The following CRYZ variants were observed in gnomAD, a reference collection of about 807,000 sequenced individuals.
The protein encoded by CRYZ is crystallin zeta.
Under a neutral mutation model 34.1 loss-of-function variants are expected in CRYZ, and 35 were observed. The observed-to-expected ratio is 1.03, with a 90% CI of 0.78 to 1.36. CRYZ has a LOEUF of 1.36. CRYZ is among the 40% of genes most tolerant of loss of function. CRYZ has a pLI of 0.00. For synonymous variants in CRYZ, 137 were observed against 136.5 expected, an observed-to-expected ratio of 1.00 and a Z score of -0.03; for missense variants, 403 against 391.8, an observed-to-expected ratio of 1.03 and a Z score of -0.24.
intron 4 of CRYZ, among the ~76,000 whole-genome samples, chr1:74,717,257 CAT>C (rs1647090375): frequency 6.6e-6 from 1 of 151,986 alleles, no homozygotes; most frequent in Non-Finnish European, 1.5e-5. Context: ...CTTTTTTCCA[CAT>C]ACTCTCCTCA....
chr1:74,729,907 G>C (rs553728316), intron 1 of CRYZ, among the ~76,000 whole-genome samples: 27 of 152,174 alleles, frequency 1.8e-4, no homozygotes, highest in Non-Finnish European at 3.7e-4. Flanking sequence ...AGAACACAAA[G>C]AGCAAGAAGA....
chr1:74,706,301 A>G lies in CRYZ; in HGVS notation c.985T>C (p.Leu329=), dbSNP rs746985771. The G allele has an allele frequency of 3.5e-5, 56 of 1,603,010 alleles. No homozygotes were observed. The South Asian group carries it at 6.2e-4, about 18-fold the overall frequency. The part of the protein sequence containing the change: ...SGATGKMILL[L] Reference sequence around the variant, plus strand: ...ATCCATGAAAGAATTAATCATCATAAGAGAAGAATCATTTTTCCAGTAGCC... The same window carrying G: ...ATCCATGAAAGAATTAATCATCATAGGAGAAGAATCATTTTTCCAGTAGCC... The change falls in exon 9 of 9, where the codon TTA becomes CTA. Residue 329 remains leucine (L), a synonymous_variant. Transcript: ENST00000340866.
chr1:74,721,897 G>C (rs918270720), intron 3 of CRYZ, among the ~76,000 whole-genome samples: 1 of 152,170 alleles, frequency 6.6e-6, no homozygotes, highest in African/African-American at 2.4e-5. Flanking sequence ...GGACACGGGA[G>C]GCTATTAAGC....
At chr1:74,724,105 A>C (rs780285855) in intron 2 of CRYZ, among the ~76,000 whole-genome samples, 2 of 152,322 alleles carry the variant, frequency 1.3e-5, no homozygotes, top group South Asian at 4.1e-4. Flanking sequence ...ATTGGACAAA[A>C]GCTGATGTTG....
chr1:74,728,422 T>A (rs1647501353), intron 1 of CRYZ, among the ~76,000 whole-genome samples: 1 of 152,254 alleles, frequency 6.6e-6, no homozygotes, highest in Non-Finnish European at 1.5e-5. Context: ...AGGTTTTGAC[T>A]ATATCCCCAT....
intron 1 of CRYZ, among the ~76,000 whole-genome samples, chr1:74,725,682 T>C (rs1285338377): frequency 1.3e-5 from 2 of 152,120 alleles, no homozygotes; most frequent in Non-Finnish European, 2.9e-5. Context: ...CCCAAAATCT[T>C]AACTCATTTC....
chr1:74,728,538 G>A (rs1224720673), intron 1 of CRYZ, among the ~76,000 whole-genome samples: 1 of 152,112 alleles, frequency 6.6e-6, no homozygotes, highest in Non-Finnish European at 1.5e-5. Context: ...ACATTAAGAA[G>A]AGCTGCAGAA....
chr1:74,714,734 T>C, intron 4 of CRYZ, 104 bp from the exon 5 acceptor site: 1 of 1,109,694 alleles, frequency 9.0e-7, no homozygotes, highest in Non-Finnish European at 1.3e-6. Flanking sequence ...TGGCTAACAC[T>C]TACACAAACA....
chr1:74,730,856 T>C (rs1045971154), intron 1 of CRYZ, among the ~76,000 whole-genome samples: 1 of 152,204 alleles, frequency 6.6e-6, no homozygotes, highest in South Asian at 2.1e-4. Flanking sequence ...CAAACTAACC[T>C]GCAGGTAGAA....
chr1:74,707,085 A>T lies in CRYZ; in HGVS notation c.732+18T>A. Reference sequence around the variant, plus strand: ...ACATTAAAGTGGTAAAAAAAAAAAAAAGAAAAGGAATACTTACTATCACTC... The same window carrying T: ...ACATTAAAGTGGTAAAAAAAAAAAATAGAAAAGGAATACTTACTATCACTC... On this transcript the variant is annotated intron_variant, in intron 7 of 8. Transcript: ENST00000340866. 7.3e-7 allele frequency: 1 copy of T among 1,375,384 alleles called. No homozygotes were observed. The highest frequency in any genetic ancestry group is 1.2e-5 in the South Asian group (1 of 81,284). The allele number at this position is 1,375,384 out of a possible 1,614,324, so 85.2% of individuals were successfully genotyped here.
intron 5 of CRYZ, among the ~76,000 whole-genome samples, chr1:74,711,819 C>A (rs527237920): frequency 3.9e-5 from 6 of 152,050 alleles, no homozygotes; most frequent in Non-Finnish European, 7.4e-5. Flanking sequence ...TACTTACGGG[C>A]GAAGATGTTC....
At chr1:74,711,280 C>A (rs146066947) in intron 5 of CRYZ, among the ~76,000 whole-genome samples, 41 of 152,250 alleles carry the variant, frequency 2.7e-4, no homozygotes, top group African/African-American at 7.0e-4. Context: ...CTGGTTGACT[C>A]AGGCTTTAAA....
At chr1:74,729,956 G>GCTCT (rs142097294) in intron 1 of CRYZ, among the ~76,000 whole-genome samples, 2 of 149,774 alleles carry the variant, frequency 1.3e-5, no homozygotes, top group East Asian at 1.9e-4. Flanking sequence ...TAAGCTGGGT[G>GCTCT]CTCTCTCTCT....
At chr1:74,720,222 T>C (rs1032664107) in intron 3 of CRYZ, among the ~76,000 whole-genome samples, 1 of 151,108 alleles carries the variant, frequency 6.6e-6, no homozygotes, top group Non-Finnish European at 1.5e-5. Context: ...CTACTCTAAA[T>C]CCCATCCATG....
intron 5 of CRYZ, among the ~76,000 whole-genome samples, chr1:74,714,226 A>G (rs1012715370): frequency 6.6e-6 from 1 of 152,184 alleles, no homozygotes; most frequent in African/African-American, 2.4e-5. Context: ...CTAAGGGAAT[A>G]TGGAATTAAT....
chr1:74,726,765 AT>A (rs2100730886), intron 1 of CRYZ, among the ~76,000 whole-genome samples: 1 of 152,192 alleles, frequency 6.6e-6, no homozygotes, highest in South Asian at 2.1e-4. Context: ...ATAAGTTCCA[AT>A]TCCAAACCAT....
chr1:74,725,246 G>A (rs1231505474), intron 1 of CRYZ, among the ~76,000 whole-genome samples: 1 of 152,102 alleles, frequency 6.6e-6, no homozygotes, highest in Non-Finnish European at 1.5e-5. Flanking sequence ...CAGTGTATTG[G>A]TTCATTTTCA....
chr1:74,707,042 G>C (rs540221777), intron 7 of CRYZ, 48 bp from the exon 8 acceptor site: 11 of 1,541,046 alleles, frequency 7.1e-6, no homozygotes, highest in Admixed American at 1.9e-5. Context: ...CTGTAAAATA[G>C]TGTTAAATTG....
At chr1:74,719,420 T>G in intron 3 of CRYZ, 48 bp from the exon 4 acceptor site, 1 of 1,532,890 alleles carries the variant, frequency 6.5e-7, no homozygotes, top group Non-Finnish European at 8.9e-7. Context: ...AAACATATTA[T>G]GTCAAAATAG....
Sources: gnomAD v4.1 joint callset for allele counts (sites outside exome capture counted in the v4.1 genomes callset) on GRCh38, gnomAD v4.1.1 for gene constraint, MANE v1.5 for transcripts, NCBI Gene and HGNC (gene_info 2026-07-23, HGNC 2026-07-21) for gene names.